Variants in FOXP1 observed in about 807,000 individuals in gnomAD.
FOXP1 encodes the protein forkhead box P1.
A neutral mutation model predicts 98.2 loss-of-function variants in FOXP1; 15 were observed. The ratio of observed to expected loss-of-function variants is 0.15; its 90% confidence interval spans 0.10 to 0.24. FOXP1 has a LOEUF of 0.24. FOXP1 is among the 10% of genes least tolerant of loss of function. The pLI is 1.00. For missense variants in FOXP1, 633 were observed against 848.5 expected, an observed-to-expected ratio of 0.75 and a Z score of 3.15; for synonymous variants, 371 against 314.5, an observed-to-expected ratio of 1.18 and a Z score of -1.90.
intron 9 of FOXP1, among the ~76,000 whole-genome samples, chr3:71,049,270 G>A (rs974069174): frequency 5.3e-5 from 8 of 152,054 alleles, no homozygotes; most frequent in African/African-American, 1.9e-4. Flanking sequence ...TGTCATAACT[G>A]CCCGGGACAA....
chr3:71,499,462 G>A (rs1451089824), intron 2 of FOXP1, among the ~76,000 whole-genome samples: 2 of 152,206 alleles, frequency 1.3e-5, no homozygotes, highest in African/African-American at 4.8e-5. Flanking sequence ...ATACATATGT[G>A]CATATAAACA....
intron 5 of FOXP1, among the ~76,000 whole-genome samples, chr3:71,214,298 G>T (rs1377455703): frequency 6.6e-6 from 1 of 152,230 alleles, no homozygotes; most frequent in Non-Finnish European, 1.5e-5. Flanking sequence ...CCTTTATCAA[G>T]CTACCTTAAT....
intron 5 of FOXP1, among the ~76,000 whole-genome samples, chr3:71,220,949 G>A (rs1360117112): frequency 5.4e-5 from 8 of 149,180 alleles, no homozygotes; most frequent in Non-Finnish European, 1.0e-4. Flanking sequence ...AAGAAAACCT[G>A]TAGGCCAAGA....
intron 5 of FOXP1, among the ~76,000 whole-genome samples, chr3:71,264,039 T>C (rs1003230812): frequency 1.3e-5 from 2 of 152,058 alleles, no homozygotes; most frequent in African/African-American, 4.8e-5. Context: ...GAGTGAGCCA[T>C]TGCACCCAGC....
chr3:71,264,896 C>T (rs141763279), intron 5 of FOXP1, among the ~76,000 whole-genome samples: 9 of 152,208 alleles, frequency 5.9e-5, no homozygotes, highest in African/African-American at 1.9e-4. Flanking sequence ...AAATGGGTAC[C>T]ATTTCCCCCT....
At chr3:71,305,618 A>T (rs2074217094) in intron 4 of FOXP1, 1 of 152,222 alleles carries the variant, frequency 6.6e-6, no homozygotes, top group East Asian at 1.9e-4. Flanking sequence ...ATTTGTTAGG[A>T]CAAAGAATAA....
In FOXP1 at chr3:71,545,529, A is replaced by G. The variant is rs563442807; in HGVS notation, c.-298+36020T>C. 3.3e-3 allele frequency among the ~76,000 whole-genome samples: 509 copies of G among 152,352 alleles called. 2 individuals are homozygous for G. Among genetic ancestry groups the G allele is most frequent in the African/African-American group, 0.011 (478 of 41,590 alleles). On this transcript the variant is annotated intron_variant, in intron 2 of 20. Coordinates refer to ENST00000649528, the MANE Select transcript of FOXP1 (RefSeq NM_001349338.3). ...GTTTTGTTTGTTTTTAAAAATACAC[A>G]TGCTGAAGGACTGAACTGCCTTATG...
intron 10 of FOXP1, 96 bp from the exon 11 acceptor site, chr3:71,041,628 T>C (rs550672957): frequency 1.6e-6 from 2 of 1,240,602 alleles, no homozygotes; most frequent in African/African-American, 1.5e-5. Context: ...CAAAGCCTAG[T>C]GTTAGGGGGG....
At chr3:71,437,460 CAG>C (rs1217154229) in intron 3 of FOXP1, among the ~76,000 whole-genome samples, 1 of 152,082 alleles carries the variant, frequency 6.6e-6, no homozygotes, top group East Asian at 1.9e-4. Flanking sequence ...TGAATACATA[CAG>C]AGTTTGGAGG....
chr3:71,397,062 GTATA>G (rs1195319700), intron 3 of FOXP1, among the ~76,000 whole-genome samples: 1 of 63,574 alleles, frequency 1.6e-5, no homozygotes, highest in African/African-American at 6.3e-5. Flanking sequence ...ATATATATGT[GTATA>G]TATATATACA....
intron 6 of FOXP1, among the ~76,000 whole-genome samples, chr3:71,150,086 T>C (rs998941602): frequency 7.9e-5 from 12 of 152,368 alleles, no homozygotes; most frequent in Non-Finnish European, 1.0e-4. Flanking sequence ...GCTAAAGCCA[T>C]GGCAATTGCT....
chr3:71,267,422 T>A (rs1474514665), intron 5 of FOXP1, among the ~76,000 whole-genome samples: 1 of 152,120 alleles, frequency 6.6e-6, no homozygotes, highest in East Asian at 1.9e-4. Flanking sequence ...AGAGAGGTCA[T>A]GGAAAGACAA....
intron 7 of FOXP1, among the ~76,000 whole-genome samples, chr3:71,084,188 G>C (rs1191540542): frequency 6.6e-6 from 1 of 152,086 alleles, no homozygotes; most frequent in Non-Finnish European, 1.5e-5. Flanking sequence ...ACATCACTTT[G>C]AAATTCAGTA....
At chr3:71,582,301 G>A (rs999064996) in intron 1 of FOXP1, 71 of 975,216 alleles carry the variant, frequency 7.3e-5, no homozygotes, top group Non-Finnish European at 8.3e-5. Flanking sequence ...GAGGCGGGAG[G>A]CGGGGGCGAG....
intron 5 of FOXP1, among the ~76,000 whole-genome samples, chr3:71,213,730 C>T (rs1395195690): frequency 6.6e-6 from 1 of 152,112 alleles, no homozygotes; most frequent in Non-Finnish European, 1.5e-5. Flanking sequence ...GCAGGTGAAT[C>T]GCTTGAACCC....
chr3:71,486,938 T>G (rs2106934988), intron 3 of FOXP1, among the ~76,000 whole-genome samples: 1 of 152,284 alleles, frequency 6.6e-6, no homozygotes, highest in South Asian at 2.1e-4. Context: ...AGAAGTAAGA[T>G]TAATATGCAA....
At chr3:71,028,834 A>G (rs2046471816) in intron 11 of FOXP1, among the ~76,000 whole-genome samples, 1 of 152,210 alleles carries the variant, frequency 6.6e-6, no homozygotes, top group African/African-American at 2.4e-5. Context: ...GGAGACAGTG[A>G]CAGATCATTG....
intron 3 of FOXP1, among the ~76,000 whole-genome samples, chr3:71,393,498 A>C (rs1339153207): frequency 6.6e-6 from 1 of 152,212 alleles, no homozygotes; most frequent in Non-Finnish European, 1.5e-5. Flanking sequence ...GATGCTAATT[A>C]GATAACAACG....
intron 4 of FOXP1, among the ~76,000 whole-genome samples, chr3:71,353,578 A>G (rs932816103): frequency 9.2e-5 from 14 of 152,212 alleles, no homozygotes; most frequent in African/African-American, 3.4e-4. Flanking sequence ...GCCTTAAACT[A>G]TATTTTAATC....
Sources: gnomAD v4.1 joint callset for allele counts (sites outside exome capture counted in the v4.1 genomes callset) on GRCh38, gnomAD v4.1.1 for gene constraint, MANE v1.5 for transcripts, NCBI Gene and HGNC (gene_info 2026-07-23, HGNC 2026-07-21) for gene names.